VPS41: variants seen among roughly 807,000 people sequenced by gnomAD.
VPS41 encodes vacuolar protein sorting-associated protein 41 homolog.
In VPS41, 85 loss-of-function variants were observed where a neutral mutation model predicts 130.9. The observed-to-expected ratio is 0.65, with a 90% CI of 0.55 to 0.78. The LOEUF (loss-of-function observed/expected upper bound fraction) is 0.78, where lower values mean the gene tolerates loss of function less well. Among genes scored for constraint, VPS41 ranks in the 30% least tolerant of loss-of-function variants. The pLI is 0.00. For missense variants in VPS41, 874 were observed against 1,018.7 expected (o/e 0.86, Z 1.93); for synonymous variants, 335 against 332.9 (o/e 1.01, Z -0.07).
At chr7:38,851,992 A>C (rs1404195618) in intron 4 of VPS41, among the ~76,000 whole-genome samples, 1 of 152,218 alleles carries the variant, frequency 6.6e-6, no homozygotes, top group Non-Finnish European at 1.5e-5. Flanking sequence ...TCTTAATAGA[A>C]GTATAAAATA....
At chr7:38,754,798 A>G (rs1353188849) in intron 20 of VPS41, 46 bp from the exon 21 acceptor site, 2 of 1,593,266 alleles carry the variant, frequency 1.3e-6, no homozygotes, top group Non-Finnish European at 1.7e-6. Context: ...GAGGACAGAA[A>G]GACAGCTACA....
At chr7:38,824,567 G>T (rs1785233548) in intron 5 of VPS41, among the ~76,000 whole-genome samples, 1 of 152,082 alleles carries the variant, frequency 6.6e-6, no homozygotes, top group African/African-American at 2.4e-5. Flanking sequence ...TCTTCTACAT[G>T]CTATCTTTAT....
At chr7:38,796,595 A>T in intron 8 of VPS41, 150 bp downstream of exon 8, 1 of 1,125,124 alleles carries the variant, frequency 8.9e-7, no homozygotes, top group Non-Finnish European at 1.3e-6. Context: ...TAATTTCTTT[A>T]ACCTCCTAGG....
chr7:38,761,310 C>T (rs558327777), intron 17 of VPS41, among the ~76,000 whole-genome samples: 1 of 120,184 alleles, frequency 8.3e-6, no homozygotes, highest in Non-Finnish European at 1.6e-5. Flanking sequence ...GTGTTTCGCT[C>T]TGTCGCCCAG....
At chr7:38,754,092 GC>G (rs138755416) in intron 21 of VPS41, among the ~76,000 whole-genome samples, 9,589 of 152,146 alleles carry the variant, frequency 0.063, 323 homozygotes, top group Middle Eastern at 0.082. Flanking sequence ...AATTGAAGTA[GC>G]CCCCCAAAGA....
At chr7:38,906,353 GT>G (rs1318757434) in intron 1 of VPS41, among the ~76,000 whole-genome samples, 6 of 147,652 alleles carry the variant, frequency 4.1e-5, no homozygotes, top group African/African-American at 1.0e-4. Context: ...TTTGTTTTTC[GT>G]TTTTTTTTTA....
chr7:38,830,351 A>T, intron 4 of VPS41, 23 bp from the exon 5 acceptor site: 1 of 1,482,316 alleles, frequency 6.7e-7, no homozygotes, highest in Admixed American at 1.7e-5. Context: ...AGACAAAAAG[A>T]TGTGTAAAAC....
chr7:38,848,042 C>G (rs566429700), intron 4 of VPS41, among the ~76,000 whole-genome samples: 6 of 152,320 alleles, frequency 3.9e-5, no homozygotes, highest in Non-Finnish European at 7.4e-5. Context: ...TTTGACTCTA[C>G]TTCCACCACA....
At chr7:38,853,660 C>A (rs186975325) in intron 4 of VPS41, among the ~76,000 whole-genome samples, 1 of 152,278 alleles carries the variant, frequency 6.6e-6, no homozygotes, top group Non-Finnish European at 1.5e-5. Flanking sequence ...TGAGAGTACC[C>A]TGTACTGAAG....
At chr7:38,739,337 T>G (rs1407302368) in intron 25 of VPS41, among the ~76,000 whole-genome samples, 2 of 152,198 alleles carry the variant, frequency 1.3e-5, no homozygotes, top group African/African-American at 4.8e-5. Context: ...GGGTTGCTAA[T>G]TTTTTACTTT....
intron 17 of VPS41, among the ~76,000 whole-genome samples, chr7:38,761,841 C>T (rs1216631092): frequency 6.6e-6 from 1 of 152,096 alleles, no homozygotes; most frequent in African/African-American, 2.4e-5. Context: ...CCCACCTTGG[C>T]CTCTCAAAGT....
At chr7:38,778,245 T>C (rs1448120079) in intron 10 of VPS41, among the ~76,000 whole-genome samples, 3 of 152,228 alleles carry the variant, frequency 2.0e-5, no homozygotes, top group African/African-American at 7.2e-5. Context: ...TTTATCCAGA[T>C]ACTTAAGAAT....
chr7:38,789,699 A>T, intron 10 of VPS41, 102 bp downstream of exon 10: 1 of 1,122,460 alleles, frequency 8.9e-7, no homozygotes, highest in Admixed American at 1.8e-5. Flanking sequence ...AGGCTGCTGC[A>T]GGGATCCAGG....
intron 7 of VPS41, 71 bp from the exon 8 acceptor site, chr7:38,796,935 T>C: frequency 5.7e-6 from 9 of 1,578,440 alleles, no homozygotes; most frequent in Middle Eastern, 1.7e-4. Flanking sequence ...TACTTACTAG[T>C]TTTACCTATC....
intron 4 of VPS41, among the ~76,000 whole-genome samples, chr7:38,834,776 T>C (rs1054184714): frequency 6.6e-6 from 1 of 152,144 alleles, no homozygotes; most frequent in Non-Finnish European, 1.5e-5. Flanking sequence ...TTTGAGATTT[T>C]TTTTTCATTT....
chr7:38,785,197 C>T (rs1784418526), intron 10 of VPS41, among the ~76,000 whole-genome samples: 1 of 152,222 alleles, frequency 6.6e-6, no homozygotes. Context: ...ATTCTGTCAG[C>T]ATGACCACTT....
At chr7:38,859,363 C>T (rs1259147535) in intron 4 of VPS41, among the ~76,000 whole-genome samples, 2 of 152,042 alleles carry the variant, frequency 1.3e-5, no homozygotes, top group Non-Finnish European at 2.9e-5. Context: ...GTAGTGTACA[C>T]TACTGTCCTA....
intron 24 of VPS41, among the ~76,000 whole-genome samples, chr7:38,742,530 G>T (rs2115638497): frequency 6.6e-6 from 1 of 152,246 alleles, no homozygotes; most frequent in Admixed American, 6.5e-5. Context: ...GGGAAATGGG[G>T]TGTTTAATTT....
intron 2 of VPS41, among the ~76,000 whole-genome samples, chr7:38,890,886 G>T (rs887837730): frequency 6.6e-6 from 1 of 151,968 alleles, no homozygotes; most frequent in African/African-American, 2.4e-5. Context: ...GGGTCTCACT[G>T]TGTTGCCCCA....
Sources: gnomAD v4.1 joint callset for allele counts (sites outside exome capture counted in the v4.1 genomes callset) on GRCh38, gnomAD v4.1.1 for gene constraint, MANE v1.5 for transcripts, NCBI Gene and HGNC (gene_info 2026-07-23, HGNC 2026-07-21) for gene names.